The following CDKN2B-AS1 variants were observed in gnomAD, a reference collection of about 807,000 sequenced individuals.
The protein encoded by CDKN2B-AS1 is CDKN2B antisense RNA 1 (non-protein coding).
At chr9:22,023,127 T>C (rs1288104316) in intron 1 of CDKN2B-AS1, among the ~76,000 whole-genome samples, 1 of 152,170 alleles carries the variant, frequency 6.6e-6, no homozygotes, top group East Asian at 1.9e-4. Flanking sequence ...ATGGGGTATC[T>C]TACTGGGGTT....
intron 1 of CDKN2B-AS1, among the ~76,000 whole-genome samples, chr9:22,010,077 C>T (rs76155775): frequency 1.3e-3 from 195 of 152,148 alleles, no homozygotes; most frequent in African/African-American, 4.7e-3. Context: ...CTATTTAAAC[C>T]CACTTTGTCA....
intron 1 of CDKN2B-AS1, among the ~76,000 whole-genome samples, chr9:22,027,278 G>C (rs918712066): frequency 6.6e-6 from 1 of 151,464 alleles, no homozygotes; most frequent in Non-Finnish European, 1.5e-5. Context: ...ACATTGTTAA[G>C]CTGTTTTATT....
At chr9:22,041,850 G>A (rs1263577777) in intron 1 of CDKN2B-AS1, among the ~76,000 whole-genome samples, 2 of 151,998 alleles carry the variant, frequency 1.3e-5, no homozygotes, top group African/African-American at 4.8e-5. Context: ...ATAGGGAGTG[G>A]CCTTGATTCC....
At chr9:22,106,036 G>A (rs766664988) in intron 4 of CDKN2B-AS1, among the ~76,000 whole-genome samples, 3 of 152,078 alleles carry the variant, frequency 2.0e-5, no homozygotes, top group Admixed American at 1.3e-4. Context: ...TTAGCCTCCC[G>A]AGTAGCTGGG....
intron 4 of CDKN2B-AS1, among the ~76,000 whole-genome samples, chr9:22,126,093 T>C (rs1307731945): frequency 1.3e-5 from 2 of 152,216 alleles, no homozygotes; most frequent in African/African-American, 4.8e-5. Flanking sequence ...AATAGCCTAC[T>C]GTTGACTGGA....
intron 1 of CDKN2B-AS1, among the ~76,000 whole-genome samples, chr9:22,021,937 G>A (rs766268054): frequency 7.9e-5 from 12 of 152,046 alleles, no homozygotes; most frequent in Non-Finnish European, 1.2e-4. Flanking sequence ...AGGAGCAGGC[G>A]TTTCACTTTC....
At chr9:22,089,667 C>T (rs1354508913) in intron 4 of CDKN2B-AS1, among the ~76,000 whole-genome samples, 1 of 151,796 alleles carries the variant, frequency 6.6e-6, no homozygotes. Flanking sequence ...TGAGGCTGGT[C>T]TTGAACTCCT....
At chr9:22,008,525 TTTTCTCCC>T in intron 1 of CDKN2B-AS1, 1 of 778,448 alleles carries the variant, frequency 1.3e-6, no homozygotes. Flanking sequence ...CCTTTTCTCC[TTTTCTCCC>T]CAATTCAGTC....
intron 4 of CDKN2B-AS1, among the ~76,000 whole-genome samples, chr9:22,060,007 CT>C (rs1823747492): frequency 6.6e-6 from 1 of 152,170 alleles, no homozygotes; most frequent in South Asian, 2.1e-4. Context: ...CATGAAACCA[CT>C]TTTTCCTCTT....
chr9:22,079,282 G>A (rs1014993094), intron 4 of CDKN2B-AS1, among the ~76,000 whole-genome samples: 4 of 152,210 alleles, frequency 2.6e-5, no homozygotes, highest in South Asian at 2.1e-4. Context: ...TCAGGAGTTC[G>A]AGACCAGCCT....
chr9:22,003,900 C>T (rs1251330906), intron 1 of CDKN2B-AS1: 1 of 232,166 alleles, frequency 4.3e-6, no homozygotes, highest in Non-Finnish European at 8.5e-6. Context: ...AAAAAGTTAT[C>T]TTCATGTGTA....
chr9:22,005,968 G>A lies in CDKN2B-AS1; in HGVS notation n.29+10807G>A. On this transcript the variant is annotated intron_variant and non_coding_transcript_variant, in intron 1 of 4. Coordinates refer to ENST00000650946, the Ensembl canonical transcript of CDKN2B-AS1. This position sits in a 1 kb window ranked among gnomAD's most constrained non-coding sequence, Gnocchi z 4.9. ...GGGTAAGAAAATAAAGTCGTTGTGG[G>A]CGGCTGGGGAACCTGGCGTCAGTCC... The A allele has an allele frequency of 6.3e-7, 1 of 1,599,802 alleles. No homozygotes were observed. The highest frequency in any genetic ancestry group is 8.5e-7 in the Non-Finnish European group (1 of 1,179,692).
intron 1 of CDKN2B-AS1, chr9:22,004,392 G>A (rs1025332263): frequency 8.6e-6 from 2 of 232,052 alleles, no homozygotes; most frequent in African/African-American, 4.4e-5. Flanking sequence ...TACACTTTGT[G>A]TTTAATTTTC....
chr9:22,070,215 A>G (rs1333942506), intron 4 of CDKN2B-AS1, among the ~76,000 whole-genome samples: 1 of 152,182 alleles, frequency 6.6e-6, no homozygotes, highest in East Asian at 1.9e-4. Context: ...AGGAGTCAGT[A>G]ATGTTCCAGT....
intron 4 of CDKN2B-AS1, among the ~76,000 whole-genome samples, chr9:22,083,547 C>G (rs1227497146): frequency 6.6e-6 from 1 of 152,148 alleles, no homozygotes; most frequent in Non-Finnish European, 1.5e-5. Flanking sequence ...CATGGCATAC[C>G]TTGAATATTC....
At chr9:22,033,018 C>G (rs1563935236) in intron 1 of CDKN2B-AS1, 1 of 152,094 alleles carries the variant, frequency 6.6e-6, no homozygotes, top group Non-Finnish European at 1.5e-5. Context: ...AGTTCCGCCT[C>G]CTGTCAGATC....
In CDKN2B-AS1 at chr9:22,001,775, C is replaced by T. The variant is rs973294459; in HGVS notation, n.29+6614C>T. Among the ~76,000 whole-genome samples the T allele has an allele frequency of 3.9e-5, 6 of 151,986 alleles. No homozygotes were observed. Among genetic ancestry groups the T allele is most frequent in the African/African-American group, 1.2e-4 (5 of 41,398 alleles). On this transcript the variant is annotated intron_variant and non_coding_transcript_variant, in intron 1 of 4. Coordinates refer to ENST00000650946, the Ensembl canonical transcript of CDKN2B-AS1. This position sits in a 1 kb window ranked among gnomAD's most constrained non-coding sequence, Gnocchi z 4.2. ...CATTTGGATAGCTGAAATTGAGAAA[C>T]GTTTTATAGAAACTTTTCAGGTATG... is the stretch of plus-strand genomic sequence containing the variant.
chr9:22,019,492 G>GT (rs1563925940), intron 1 of CDKN2B-AS1, among the ~76,000 whole-genome samples: 1 of 152,190 alleles, frequency 6.6e-6, no homozygotes, highest in Non-Finnish European at 1.5e-5. Context: ...TGTTAGGCAG[G>GT]TTTTTACAAT....
At chr9:22,066,276 T>G (rs1824036916) in intron 4 of CDKN2B-AS1, 1 of 152,080 alleles carries the variant, frequency 6.6e-6, no homozygotes, top group South Asian at 2.1e-4. Context: ...TGTATTGGCA[T>G]GATTACAGCT....
Sources: allele counts gnomAD v4.1 joint callset (sites outside exome capture counted in the v4.1 genomes callset), GRCh38; gene constraint gnomAD v4.1.1; non-coding constraint Gnocchi (gnomAD v3.1); transcripts MANE v1.5; gene names NCBI Gene and HGNC (gene_info 2026-07-23, HGNC 2026-07-21).